Variants in RALYL observed in about 807,000 individuals in gnomAD.
RALYL encodes RALY RNA binding protein like.
In RALYL, 29 loss-of-function variants were observed where a neutral mutation model predicts 35.1. The ratio of observed to expected loss-of-function variants is 0.83; its 90% confidence interval spans 0.61 to 1.13. The LOEUF (loss-of-function observed/expected upper bound fraction) is 1.13, where lower values mean the gene tolerates loss of function less well. Among genes scored for constraint, RALYL ranks in the 50% most tolerant of loss-of-function variants. RALYL has a pLI of 0.00. For missense variants in RALYL, 359 were observed against 360.4 expected (o/e 1.00, Z 0.03); for synonymous variants, 120 against 127.6 (o/e 0.94, Z 0.40).
chr8:84,238,907 T>A (rs2131541066), intron 1 of RALYL, among the ~76,000 whole-genome samples: 1 of 152,310 alleles, frequency 6.6e-6, no homozygotes, highest in East Asian at 1.9e-4. Context: ...ATCTATAGCA[T>A]GCATCTTGTT....
intron 4 of RALYL, among the ~76,000 whole-genome samples, chr8:84,825,738 C>T (rs1332199183): frequency 5.9e-5 from 9 of 151,954 alleles, no homozygotes; most frequent in African/African-American, 1.2e-4. Context: ...CATGGTGGTG[C>T]ATGACTGTAA....
intron 2 of RALYL, among the ~76,000 whole-genome samples, chr8:84,578,374 G>T (rs1021812587): frequency 6.6e-6 from 1 of 152,190 alleles, no homozygotes; most frequent in East Asian, 1.9e-4. Context: ...GATCACCTAG[G>T]TCTGGGCTCC....
chr8:84,417,010 T>TA (rs2044787622), intron 1 of RALYL, among the ~76,000 whole-genome samples: 1 of 152,242 alleles, frequency 6.6e-6, no homozygotes, highest in African/African-American at 2.4e-5. Flanking sequence ...CTTTTCTTGT[T>TA]ACTTTTCAAA....
chr8:84,368,728 C>A (rs974766980), intron 1 of RALYL, among the ~76,000 whole-genome samples: 1 of 152,160 alleles, frequency 6.6e-6, no homozygotes, highest in Non-Finnish European at 1.5e-5. Flanking sequence ...AGACCCACCA[C>A]CATGATTCAG....
chr8:84,795,336 C>T (rs1821672792), intron 3 of RALYL, among the ~76,000 whole-genome samples: 1 of 152,324 alleles, frequency 6.6e-6, no homozygotes, highest in Admixed American at 6.5e-5. Context: ...TCACCCTGCT[C>T]TATGTCTTCC....
At chr8:84,417,818 CT>C (rs1419002558) in intron 1 of RALYL, among the ~76,000 whole-genome samples, 63 of 152,084 alleles carry the variant, frequency 4.1e-4, no homozygotes, top group African/African-American at 1.5e-3. Context: ...ACTCCTAGCA[CT>C]TCTCAAATGG....
intron 1 of RALYL, among the ~76,000 whole-genome samples, chr8:84,442,875 T>G (rs2133007859): frequency 6.6e-6 from 1 of 152,182 alleles, no homozygotes; most frequent in East Asian, 1.9e-4. Context: ...AATATAATGG[T>G]TTGTGGAACC....
chr8:84,487,006 A>ACC (rs1310164456), intron 1 of RALYL, among the ~76,000 whole-genome samples: 1 of 152,052 alleles, frequency 6.6e-6, no homozygotes, highest in Admixed American at 6.6e-5. Flanking sequence ...CATAGTTAGG[A>ACC]CCACCACAGG....
intron 1 of RALYL, among the ~76,000 whole-genome samples, chr8:84,256,733 T>C (rs1471872771): frequency 3.3e-5 from 5 of 152,102 alleles, no homozygotes; most frequent in Non-Finnish European, 5.9e-5. Flanking sequence ...AATTAACTTA[T>C]TTAATTCTCA....
intron 2 of RALYL, among the ~76,000 whole-genome samples, chr8:84,658,039 C>A (rs1289744051): frequency 1.3e-5 from 2 of 152,096 alleles, no homozygotes; most frequent in African/African-American, 2.4e-5. Context: ...AGGTTGGACA[C>A]CATCTCCCAT....
chr8:84,205,480 C>A (rs374822808), intron 1 of RALYL, among the ~76,000 whole-genome samples: 2 of 152,158 alleles, frequency 1.3e-5, no homozygotes, highest in African/African-American at 2.4e-5. Context: ...TATTACACAG[C>A]CCCCCTCTAA....
At chr8:84,327,193 G>T (rs983923342) in intron 1 of RALYL, among the ~76,000 whole-genome samples, 1 of 152,134 alleles carries the variant, frequency 6.6e-6, no homozygotes, top group Non-Finnish European at 1.5e-5. Context: ...TCAGTTTGGG[G>T]TGGGGAGGGG....
intron 2 of RALYL, among the ~76,000 whole-genome samples, chr8:84,768,384 A>G (rs1814613691): frequency 6.6e-6 from 1 of 152,180 alleles, no homozygotes; most frequent in South Asian, 2.1e-4. Flanking sequence ...ATCTTGGCAA[A>G]GCTTATGTTC....
At chr8:84,904,452 A>G (rs954519931) in intron 8 of RALYL, among the ~76,000 whole-genome samples, 3 of 152,200 alleles carry the variant, frequency 2.0e-5, no homozygotes, top group Non-Finnish European at 4.4e-5. Context: ...GTAAAATGTA[A>G]TTTGAGCAAA....
intron 2 of RALYL, among the ~76,000 whole-genome samples, chr8:84,652,293 A>G (rs754256960): frequency 6.6e-6 from 1 of 152,118 alleles, no homozygotes; most frequent in Non-Finnish European, 1.5e-5. Context: ...CTGTTCTAAT[A>G]GTAAGCGTAA....
chr8:84,254,092 G>T (rs1029340208), intron 1 of RALYL, among the ~76,000 whole-genome samples: 2 of 152,174 alleles, frequency 1.3e-5, no homozygotes, highest in South Asian at 2.1e-4. Flanking sequence ...CCAAATAATT[G>T]TCCACTTTAT....
chr8:84,721,300 G>A (rs1309990419), intron 2 of RALYL, among the ~76,000 whole-genome samples: 1 of 152,004 alleles, frequency 6.6e-6, no homozygotes, highest in Non-Finnish European at 1.5e-5. Flanking sequence ...ATACCCAAAA[G>A]AAATGAAATC....
intron 1 of RALYL, among the ~76,000 whole-genome samples, chr8:84,467,861 C>A (rs1040298905): frequency 7.3e-6 from 1 of 136,332 alleles, no homozygotes; most frequent in Non-Finnish European, 1.6e-5. Context: ...GGATAGTTAG[C>A]TCTTCCTGTT....
chr8:84,372,893 T>TTTTTTTGTTTTGTTTTG (rs1563809051), intron 1 of RALYL, among the ~76,000 whole-genome samples: 32 of 122,652 alleles, frequency 2.6e-4, no homozygotes, highest in Non-Finnish European at 3.7e-4. Context: ...TCTGTTTTTT[T>TTTTTTTGTTTTGTTTTG]TTTTTTTTTT....
Sources: allele counts gnomAD v4.1 joint callset (sites outside exome capture counted in the v4.1 genomes callset), GRCh38; gene constraint gnomAD v4.1.1; transcripts MANE v1.5; gene names NCBI Gene and HGNC (gene_info 2026-07-23, HGNC 2026-07-21).